SHISA9: variants seen among roughly 807,000 people sequenced by gnomAD.
The protein encoded by SHISA9 is shisa family member 9.
In SHISA9, 13 loss-of-function variants were observed where a neutral mutation model predicts 38.0. The observed-to-expected ratio is 0.34, with a 90% CI of 0.22 to 0.54. The LOEUF (loss-of-function observed/expected upper bound fraction) is 0.54, where lower values mean the gene tolerates loss of function less well. SHISA9 is among the 20% of genes least tolerant of loss of function. The probability of loss-of-function intolerance (pLI) is 0.91; values close to 1 mark genes in which losing one functional copy is unlikely to be tolerated. For synonymous variants in SHISA9, 275 were observed against 242.0 expected (o/e 1.14, Z -1.27); for missense variants, 538 against 575.8 (o/e 0.93, Z 0.67).
Position 12,958,481 on chromosome 16 carries a change from G to C in SHISA9, c.691+41666G>C, listed in dbSNP as rs115098094. Among the ~76,000 whole-genome samples the C allele has an allele frequency of 4.6e-3, 708 of 152,310 alleles. 2 individuals are homozygous for C. The highest frequency in any genetic ancestry group is 0.017 in the African/African-American group (686 of 41,558). On this transcript the variant is annotated intron_variant, in intron 2 of 4. Transcript: ENST00000558583. The stretch of plus-strand genomic sequence containing the variant: ...CATGCCAGGAGGAAATTTGCCCAGA[G>C]TGTGGGCCTCAGTTCAGAGTGGGTA...
the SHISA9 span, among the ~76,000 whole-genome samples, chr16:13,475,335 C>CATACATATTTATATATATGTG: frequency 6.6e-6 from 1 of 150,514 alleles, no homozygotes; most frequent in African/African-American, 2.4e-5. Context: ...ATATATATCA[C>CATACATATTTATATATATGTG]ATATATATGT....
chr16:13,179,806 G>A (rs947542354), intron 2 of SHISA9, among the ~76,000 whole-genome samples: 6 of 152,230 alleles, frequency 3.9e-5, no homozygotes, highest in Admixed American at 6.5e-5. Flanking sequence ...AGAATCCAAA[G>A]AGGAAAGGTT....
the SHISA9 span, among the ~76,000 whole-genome samples, chr16:13,387,399 G>A: frequency 3.0e-3 from 456 of 152,188 alleles, 5 homozygotes; most frequent in Non-Finnish European, 1.7e-3. Context: ...GAAAATGGGG[G>A]CAGTGACTGG....
intron 2 of SHISA9, among the ~76,000 whole-genome samples, chr16:13,111,642 G>A (rs2073979347): frequency 6.6e-6 from 1 of 152,124 alleles, no homozygotes; most frequent in Non-Finnish European, 1.5e-5. Flanking sequence ...TTATTATTAA[G>A]ATAATTTTCT....
the SHISA9 span, among the ~76,000 whole-genome samples, chr16:13,263,694 A>C: frequency 6.6e-6 from 1 of 152,222 alleles, no homozygotes; most frequent in Non-Finnish European, 1.5e-5. Context: ...ACAGTCAGGG[A>C]CATATAATTC....
At chr16:13,562,809 C>G in the SHISA9 span, 2 of 151,834 alleles carry the variant, frequency 1.3e-5, no homozygotes, top group Non-Finnish European at 2.9e-5. Flanking sequence ...GTTGGATGCA[C>G]CTAAAACAAA....
At chr16:13,162,212 T>C (rs532153159) in intron 2 of SHISA9, among the ~76,000 whole-genome samples, 1 of 152,024 alleles carries the variant, frequency 6.6e-6, no homozygotes, top group African/African-American at 2.4e-5. Flanking sequence ...GGGGACAGAG[T>C]GTATGCATAT....
At chr16:13,445,852 C>T in the SHISA9 span, among the ~76,000 whole-genome samples, 1 of 152,110 alleles carries the variant, frequency 6.6e-6, no homozygotes, top group Non-Finnish European at 1.5e-5. Flanking sequence ...GTTTTCTTAC[C>T]TTTAAAATGG....
At chr16:13,250,742 G>A in the SHISA9 span, among the ~76,000 whole-genome samples, 12 of 152,042 alleles carry the variant, frequency 7.9e-5, no homozygotes, top group Admixed American at 2.6e-4. Context: ...TCTATATTTG[G>A]GGCCCTGGAA....
intron 2 of SHISA9, among the ~76,000 whole-genome samples, chr16:13,063,367 C>A (rs1596621125): frequency 1.3e-5 from 2 of 151,610 alleles, no homozygotes; most frequent in South Asian, 4.2e-4. Context: ...TGGTCGGGAC[C>A]TTAAATGGAA....
At chr16:12,907,662 TTTG>T (rs1259345531) in intron 1 of SHISA9, among the ~76,000 whole-genome samples, 7 of 152,192 alleles carry the variant, frequency 4.6e-5, no homozygotes, top group Non-Finnish European at 1.0e-4. Context: ...GCTCATTGTA[TTTG>T]GCTGTGAAAT....
At chr16:13,419,307 C>G in the SHISA9 span, among the ~76,000 whole-genome samples, 6 of 152,160 alleles carry the variant, frequency 3.9e-5, no homozygotes, top group Non-Finnish European at 1.5e-5. Context: ...ATGGAAAGAA[C>G]AGCGGGCCTC....
chr16:13,485,206 G>T, the SHISA9 span, among the ~76,000 whole-genome samples: 2 of 150,142 alleles, frequency 1.3e-5, no homozygotes, highest in African/African-American at 4.9e-5. Flanking sequence ...CGCACCCCCC[G>T]ACAGGCCCTG....
At chr16:13,327,895 G>A in the SHISA9 span, among the ~76,000 whole-genome samples, 2 of 152,094 alleles carry the variant, frequency 1.3e-5, no homozygotes, top group African/African-American at 4.8e-5. Context: ...CTGACCTGGA[G>A]TGATCCACCC....
chr16:12,996,082 C>A (rs777356551), intron 2 of SHISA9, among the ~76,000 whole-genome samples: 23 of 152,220 alleles, frequency 1.5e-4, no homozygotes, highest in Non-Finnish European at 2.9e-4. Context: ...GGGTGATGTA[C>A]ACGTGCCTCT....
the SHISA9 span, among the ~76,000 whole-genome samples, chr16:13,362,928 A>G: frequency 6.6e-6 from 1 of 152,324 alleles, no homozygotes; most frequent in Admixed American, 6.5e-5. Context: ...GTTCCCACAT[A>G]TAAAAGGAAT....
the SHISA9 span, among the ~76,000 whole-genome samples, chr16:13,538,354 T>C: frequency 6.6e-6 from 1 of 152,300 alleles, no homozygotes; most frequent in Admixed American, 6.5e-5. Flanking sequence ...ACACAAGACA[T>C]ACAGAATACT....
At chr16:13,362,732 G>C in the SHISA9 span, among the ~76,000 whole-genome samples, 1 of 152,128 alleles carries the variant, frequency 6.6e-6, no homozygotes, top group Admixed American at 6.5e-5. Context: ...TCACATTCCT[G>C]ATTTTATTTC....
chr16:13,277,659 T>A, the SHISA9 span, among the ~76,000 whole-genome samples: 1 of 149,530 alleles, frequency 6.7e-6, no homozygotes, highest in African/African-American at 2.4e-5. Context: ...TATTCCTAAG[T>A]TTTTTTTTTC....
Sources: allele counts gnomAD v4.1 joint callset (sites outside exome capture counted in the v4.1 genomes callset), GRCh38; gene constraint gnomAD v4.1.1; transcripts MANE v1.5; gene names NCBI Gene and HGNC (gene_info 2026-07-23, HGNC 2026-07-21).